CEP162: variants seen among roughly 807,000 people sequenced by gnomAD.
The protein encoded by CEP162 is centrosomal protein 162.
Under a neutral mutation model 169.2 loss-of-function variants are expected in CEP162, and 141 were observed. The ratio of observed to expected loss-of-function variants is 0.83; its 90% confidence interval spans 0.73 to 0.96. CEP162 has a LOEUF of 0.96. Ranked by LOEUF, CEP162 falls within the 40% of genes least tolerant of loss-of-function variation. The pLI is 0.00. For synonymous variants in CEP162, 540 were observed against 526.4 expected, an observed-to-expected ratio of 1.03 and a Z score of -0.35; for missense variants, 1,600 against 1,587.2, an observed-to-expected ratio of 1.01 and a Z score of -0.14.
Position 84,163,167 on chromosome 6 carries a change from T to C in CEP162, c.2489A>G (p.Lys830Arg), listed in dbSNP as rs769303787. The C allele has an allele frequency of 4.3e-6, 7 of 1,613,516 alleles. No homozygotes were observed. The highest frequency in any genetic ancestry group is 5.9e-6 in the Non-Finnish European group (7 of 1,179,590). ...ACCTGTGACATAAGCAATCTGATCTTTGGCTTGGTCCCTCTCTTTCTTCAT... is the reference window on the plus strand; with the variant it reads ...ACCTGTGACATAAGCAATCTGATCTCTGGCTTGGTCCCTCTCTTTCTTCAT... ...EKMKKERDQA[K>R]DQIAYVTGEK... The change falls in exon 19 of 27, where the codon AAA becomes AGA. Residue 830 changes from lysine to arginine, a missense_variant. Physicochemically the swap from Lys to Arg is conservative, Grantham distance 26. Coordinates refer to ENST00000403245, the MANE Select transcript of CEP162 (RefSeq NM_014895.4).
intron 25 of CEP162, among the ~76,000 whole-genome samples, chr6:84,133,109 A>G (rs1389258468): frequency 6.6e-6 from 1 of 151,824 alleles, no homozygotes; most frequent in Non-Finnish European, 1.5e-5. Context: ...GTCTGTTGGG[A>G]GTTTGCTTGA....
Position 84,213,009 on chromosome 6 carries a change from T to C in CEP162, c.519A>G (p.Ala173=), listed in dbSNP as rs139586659. The part of the protein sequence containing the change: ...FKALHSNQAN[A]ELTDDEHENE... ...TCTCATGTTCGTCATCAGTTAGTTC[T>C]GCGTTGGCTTGATTACTGGAAAAAA... The change falls in exon 6 of 27, where the codon GCA becomes GCG. Residue 173 remains alanine, a synonymous_variant. Transcript: ENST00000403245. 2.1e-4 allele frequency: 321 copies of C among 1,546,946 alleles called. 1 individual carries two copies. In the Middle Eastern group the frequency reaches 2.2e-3, roughly 11 times the overall value.
intron 13 of CEP162, among the ~76,000 whole-genome samples, chr6:84,183,942 C>G (rs1384796793): frequency 1.3e-5 from 2 of 152,100 alleles, no homozygotes; most frequent in East Asian, 3.9e-4. Flanking sequence ...TTGCCTAATC[C>G]TCATGCGCAT....
chr6:84,157,442 C>T lies in CEP162; in HGVS notation c.2782-1932G>A, dbSNP rs150993910. Among the ~76,000 whole-genome samples the T allele has an allele frequency of 5.3e-5, 8 of 152,180 alleles. No individual in the cohort carries two copies. The East Asian group carries it at 1.4e-3, about 26-fold the overall frequency. ...ATCCCAGCACTTTGGGAAGCCAAGG[C>T]GGGTGGATCACTTGAGGTCAGGAGT... On this transcript the variant is annotated intron_variant, in intron 21 of 26. Transcript: ENST00000403245.
chr6:84,169,575 T>G, intron 17 of CEP162, 142 bp from the exon 18 acceptor site: 1 of 506,776 alleles, frequency 2.0e-6, no homozygotes, highest in East Asian at 3.2e-5. Context: ...TCATTTAATC[T>G]AAAGATTAAA....
intron 11 of CEP162, among the ~76,000 whole-genome samples, chr6:84,191,698 C>G (rs1300854967): frequency 6.6e-6 from 1 of 152,128 alleles, no homozygotes; most frequent in African/African-American, 2.4e-5. Context: ...GCATATAGCC[C>G]TGAATGGGAC....
intron 3 of CEP162, chr6:84,217,839 T>A (rs2099552154): frequency 6.6e-6 from 1 of 152,132 alleles, no homozygotes; most frequent in Admixed American, 6.5e-5. Context: ...TGAGGAGGAA[T>A]AACCCGGAGT....
At chr6:84,133,197 T>C (rs2099512355) in intron 25 of CEP162, among the ~76,000 whole-genome samples, 1 of 152,166 alleles carries the variant, frequency 6.6e-6, no homozygotes, top group African/African-American at 2.4e-5. Flanking sequence ...ACAGCAAATG[T>C]TGCTGCCTGA....
At position 84,138,784 on chromosome 6, in the gene CEP162, C is replaced by T. The variant is rs149233020; in HGVS notation, c.3870+7903G>A. ...CAGGTACATATTCTTTCTTTTATTG[C>T]TTTCACTAAAAACTTTACTTCAGTT... On this transcript the variant is annotated intron_variant, in intron 25 of 26. Transcript: ENST00000403245. Among the ~76,000 whole-genome samples, 955 of 152,230 alleles carry T rather than the reference C, an allele frequency of 6.3e-3. 4 individuals carry two copies. Among genetic ancestry groups the T allele is most frequent in the African/African-American group, 0.022 (919 of 41,530 alleles).
chr6:84,169,833 C>T (rs988116050), intron 17 of CEP162, among the ~76,000 whole-genome samples: 1 of 152,110 alleles, frequency 6.6e-6, no homozygotes, highest in Admixed American at 6.6e-5. Context: ...AACTAACAAA[C>T]AAAACCAAAC....
At chr6:84,161,962 A>G in intron 19 of CEP162, 53 bp from the exon 20 acceptor site, 2 of 1,114,306 alleles carry the variant, frequency 1.8e-6, no homozygotes, top group Non-Finnish European at 1.3e-6. Context: ...AAATATGGAA[A>G]TAAACTAAAT....
At chr6:84,168,662 T>C (rs1199753822) in intron 18 of CEP162, among the ~76,000 whole-genome samples, 1 of 152,148 alleles carries the variant, frequency 6.6e-6, no homozygotes, top group Non-Finnish European at 1.5e-5. Context: ...ACAGGGATGA[T>C]AAAAATCATG....
chr6:84,126,346 CTA>C, intron 26 of CEP162, 30 bp downstream of exon 26: 1 of 1,512,840 alleles, frequency 6.6e-7, no homozygotes, highest in Non-Finnish European at 8.9e-7. Context: ...AAGTAAAGAC[CTA>C]TATAAATATG....
At chr6:84,130,814 T>C (rs970413605) in intron 25 of CEP162, among the ~76,000 whole-genome samples, 4 of 152,196 alleles carry the variant, frequency 2.6e-5, no homozygotes, top group African/African-American at 9.7e-5. Flanking sequence ...GCTCCTGAAT[T>C]CACTGATTTT....
intron 13 of CEP162, among the ~76,000 whole-genome samples, chr6:84,183,127 T>C (rs2099535633): frequency 6.6e-6 from 1 of 152,222 alleles, no homozygotes; most frequent in Non-Finnish European, 1.5e-5. Flanking sequence ...TCCATCATTA[T>C]ACTTTACTAT....
intron 13 of CEP162, among the ~76,000 whole-genome samples, chr6:84,175,751 T>C (rs966266782): frequency 5.9e-5 from 9 of 152,158 alleles, no homozygotes; most frequent in African/African-American, 2.2e-4. Context: ...ATGAAACATT[T>C]TGGTGCGGAC....
chr6:84,129,390 A>T (rs2099510305), intron 25 of CEP162, among the ~76,000 whole-genome samples: 1 of 152,164 alleles, frequency 6.6e-6, no homozygotes, highest in Non-Finnish European at 1.5e-5. Context: ...TCTAACTGGC[A>T]TGAGATGGTA....
At chr6:84,212,890 TTAA>T in intron 6 of CEP162, 64 bp downstream of exon 6, 2 of 965,784 alleles carry the variant, frequency 2.1e-6, no homozygotes, top group Non-Finnish European at 3.1e-6. Flanking sequence ...ATTTTTCTTA[TTAA>T]TGTCTTTATT....
chr6:84,151,716 T>C (rs1016534930), intron 23 of CEP162, among the ~76,000 whole-genome samples: 1 of 151,566 alleles, frequency 6.6e-6, no homozygotes, highest in African/African-American at 2.4e-5. Context: ...CAGAATTCAG[T>C]AAAAGAAACA....
Sources: gnomAD v4.1 joint callset for allele counts (sites outside exome capture counted in the v4.1 genomes callset) on GRCh38, gnomAD v4.1.1 for gene constraint, MANE v1.5 for transcripts, NCBI Gene and HGNC (gene_info 2026-07-23, HGNC 2026-07-21) for gene names.